The following PSMD14 variants were observed in gnomAD, a reference collection of about 807,000 sequenced individuals.
The protein encoded by PSMD14 is ubiquitin C-terminal hydrolase PSMD14.
PSMD14 carries 7 observed loss-of-function variants against 41.2 expected under a neutral mutation model. The ratio of observed to expected loss-of-function variants is 0.17; its 90% CI spans 0.10 to 0.32. The LOEUF is 0.32. Ranked by LOEUF, PSMD14 falls within the 10% of genes least tolerant of loss-of-function variation. The probability of loss-of-function intolerance (pLI) is 1.00; values close to 1 mark genes in which losing one functional copy is unlikely to be tolerated. For synonymous variants in PSMD14, 114 were observed against 122.3 expected (o/e 0.93, Z 0.45); for missense variants, 139 against 375.6 (o/e 0.37, Z 5.21).
At chr2:161,335,541 T>C (rs114946822) in intron 3 of PSMD14, among the ~76,000 whole-genome samples, 82 of 152,384 alleles carry the variant, frequency 5.4e-4, no homozygotes, top group African/African-American at 1.9e-3. Flanking sequence ...TATCCATAGA[T>C]ATAAAGCTGC....
intron 3 of PSMD14, among the ~76,000 whole-genome samples, chr2:161,361,368 AC>A (rs1173648682): frequency 6.6e-6 from 1 of 152,198 alleles, no homozygotes; most frequent in Non-Finnish European, 1.5e-5. Context: ...TATCAATACA[AC>A]TGAAAAGATT....
At chr2:161,392,179 C>T (rs1437236093) in intron 9 of PSMD14, among the ~76,000 whole-genome samples, 1 of 152,098 alleles carries the variant, frequency 6.6e-6, no homozygotes, top group African/African-American at 2.4e-5. Context: ...AACCAGTTTC[C>T]CCCCTTTACT....
rs1323068817 is a variant in PSMD14 at position 161,410,277 on chromosome 2, T to C, written c.835-1025T>C. Among the ~76,000 whole-genome samples, 6 of 152,010 alleles carry C rather than the reference T, an allele frequency of 3.9e-5. No individual in the cohort carries two copies. In the East Asian group the frequency reaches 9.6e-4, roughly 24 times the overall value. On this transcript the variant is annotated intron_variant, in intron 11 of 11. Coordinates refer to ENST00000409682, the MANE Select transcript of PSMD14 (RefSeq NM_005805.6). ...AAAAAATATATTGTAGTCTAGTCAC[T>C]TAATTATTTGTAACATGTTGTATCT... is the stretch of plus-strand genomic sequence containing the variant.
At chr2:161,320,870 C>T (rs972117782) in intron 3 of PSMD14, among the ~76,000 whole-genome samples, 3 of 152,060 alleles carry the variant, frequency 2.0e-5, no homozygotes, top group East Asian at 3.9e-4. Flanking sequence ...GGATTACAGG[C>T]GTTCACCACC....
chr2:161,352,482 A>G lies in PSMD14; in HGVS notation c.49-14996A>G, dbSNP rs868806935. Among the ~76,000 whole-genome samples, 3 of 152,332 alleles carry G rather than the reference A, an allele frequency of 2.0e-5. No homozygotes were observed. The South Asian group carries it at 6.2e-4, about 32-fold the overall frequency. Reference sequence around the variant, plus strand: ...CTTTTATTTTGCCACTAGAATAATAAACTACACCAAGTTACAATCAAGTAT... The same window carrying G: ...CTTTTATTTTGCCACTAGAATAATAGACTACACCAAGTTACAATCAAGTAT... On this transcript the variant is annotated intron_variant, in intron 3 of 11. Coordinates refer to ENST00000409682, the MANE Select transcript of PSMD14 (RefSeq NM_005805.6).
chr2:161,341,872 ATATATG>A (rs1470307078), intron 3 of PSMD14, among the ~76,000 whole-genome samples: 16 of 105,322 alleles, frequency 1.5e-4, no homozygotes, highest in Non-Finnish European at 2.8e-4. Flanking sequence ...TAAAAAAAAT[ATATATG>A]TATATATAAA....
chr2:161,401,495 AT>A (rs1683877226), intron 10 of PSMD14, among the ~76,000 whole-genome samples: 2 of 152,230 alleles, frequency 1.3e-5, no homozygotes, highest in African/African-American at 4.8e-5. Flanking sequence ...AGCTGGGGTC[AT>A]TGATACCTTT....
chr2:161,320,676 G>A (rs901044937), intron 3 of PSMD14, among the ~76,000 whole-genome samples: 1 of 151,628 alleles, frequency 6.6e-6, no homozygotes, highest in East Asian at 1.9e-4. Flanking sequence ...AACATGAAAC[G>A]TTAAGTGTAT....
intron 7 of PSMD14, among the ~76,000 whole-genome samples, chr2:161,378,513 A>G (rs777479035): frequency 8.6e-5 from 13 of 151,760 alleles, no homozygotes; most frequent in Non-Finnish European, 1.9e-4. Flanking sequence ...TGAGGTTTTC[A>G]TTTCAATAGA....
At chr2:161,313,000 C>CA (rs1689107424) in intron 1 of PSMD14, among the ~76,000 whole-genome samples, 4 of 152,102 alleles carry the variant, frequency 2.6e-5, no homozygotes, top group African/African-American at 9.7e-5. Flanking sequence ...TATATGCTTA[C>CA]TATATGATAA....
chr2:161,400,595 T>G (rs939836608), intron 10 of PSMD14, among the ~76,000 whole-genome samples: 7 of 152,178 alleles, frequency 4.6e-5, no homozygotes, highest in African/African-American at 1.7e-4. Flanking sequence ...ACTGTGTCAC[T>G]CAGTCTGGAG....
Position 161,403,219 on chromosome 2 carries a change from G to T in PSMD14, c.772-5618G>T, listed in dbSNP as rs192052605. 9.9e-4 allele frequency among the ~76,000 whole-genome samples: 151 copies of T among 152,296 alleles called. No homozygotes were observed. The South Asian group carries it at 0.011, about 11-fold the overall frequency. On this transcript the variant is annotated intron_variant, in intron 10 of 11. Transcript: ENST00000409682. The stretch of plus-strand genomic sequence containing the variant: ...CATACTATTACTCAGTCATAAAAAG[G>T]AATGGAGTGCTGATACATGCTACTA...
intron 10 of PSMD14, among the ~76,000 whole-genome samples, chr2:161,405,394 G>A (rs1206511050): frequency 2.6e-5 from 4 of 152,144 alleles, no homozygotes; most frequent in Admixed American, 2.6e-4. Context: ...GTTTTACACT[G>A]CATTATGATT....
intron 1 of PSMD14, among the ~76,000 whole-genome samples, chr2:161,312,039 A>G (rs1198637763): frequency 2.0e-5 from 3 of 152,218 alleles, no homozygotes; most frequent in Non-Finnish European, 1.5e-5. Context: ...TGAGAATATG[A>G]AGTTTTAACT....
At chr2:161,350,828 T>TA (rs1279903382) in intron 3 of PSMD14, among the ~76,000 whole-genome samples, 6 of 152,186 alleles carry the variant, frequency 3.9e-5, no homozygotes, top group Non-Finnish European at 7.4e-5. Context: ...TATTGATAGT[T>TA]ACTCTGCTGC....
At chr2:161,325,133 G>A (rs1457204541) in intron 3 of PSMD14, among the ~76,000 whole-genome samples, 3 of 152,074 alleles carry the variant, frequency 2.0e-5, no homozygotes, top group Admixed American at 6.5e-5. Context: ...GCCAAACTAA[G>A]GACATATGCA....
At chr2:161,409,069 C>G (rs1430904933) in intron 11 of PSMD14, among the ~76,000 whole-genome samples, 170 bp downstream of exon 11, 5 of 151,968 alleles carry the variant, frequency 3.3e-5, no homozygotes, top group Non-Finnish European at 7.4e-5. Context: ...ATGTCAGGTT[C>G]TCTATAGAGA....
At chr2:161,318,969 C>G in intron 3 of PSMD14, 96 bp downstream of exon 3, 1 of 915,170 alleles carries the variant, frequency 1.1e-6, no homozygotes, top group Non-Finnish European at 1.7e-6. Flanking sequence ...AGAAAATCAC[C>G]TAACAGATAA....
chr2:161,337,911 C>T (rs1018944862), intron 3 of PSMD14, among the ~76,000 whole-genome samples: 1 of 152,068 alleles, frequency 6.6e-6, no homozygotes, highest in African/African-American at 2.4e-5. Context: ...ATTATACTCT[C>T]TGACTACTTA....
Sources: gnomAD v4.1 joint callset for allele counts (sites outside exome capture counted in the v4.1 genomes callset) on GRCh38, gnomAD v4.1.1 for gene constraint, MANE v1.5 for transcripts, NCBI Gene and HGNC (gene_info 2026-07-23, HGNC 2026-07-21) for gene names.